Variants in SHISA6 observed in about 807,000 individuals in gnomAD.
The protein encoded by SHISA6 is protein shisa-6.
A neutral mutation model predicts 47.9 loss-of-function variants in SHISA6; 22 were observed. That is an observed-to-expected ratio of 0.46 (90% CI 0.33 to 0.66). The LOEUF is 0.66. Among genes scored for constraint, SHISA6 ranks in the 30% least tolerant of loss-of-function variants. The probability of loss-of-function intolerance (pLI) is 0.02; values close to 1 mark genes in which losing one functional copy is unlikely to be tolerated. For missense variants in SHISA6, 680 were observed against 764.6 expected (o/e 0.89, Z 1.30); for synonymous variants, 388 against 337.8 (o/e 1.15, Z -1.63).
intron 3 of SHISA6, among the ~76,000 whole-genome samples, chr17:11,457,453 C>T (rs141950495): frequency 1.1e-3 from 174 of 152,140 alleles, no homozygotes; most frequent in African/African-American, 3.7e-3. Flanking sequence ...TGAGATAGGC[C>T]GGGCACGGTG....
chr17:11,442,059 A>G (rs550505621), intron 3 of SHISA6, among the ~76,000 whole-genome samples: 11 of 152,220 alleles, frequency 7.2e-5, no homozygotes, highest in Non-Finnish European at 1.6e-4. Context: ...GTCTTCCATT[A>G]TCCTTTTTCT....
intron 3 of SHISA6, among the ~76,000 whole-genome samples, chr17:11,504,214 G>A (rs1358127639): frequency 6.6e-6 from 1 of 152,176 alleles, no homozygotes; most frequent in Non-Finnish European, 1.5e-5. Flanking sequence ...CTTTGCAGGT[G>A]AATCACTGCA....
At chr17:11,462,197 G>A (rs1915709134) in intron 3 of SHISA6, among the ~76,000 whole-genome samples, 1 of 152,148 alleles carries the variant, frequency 6.6e-6, no homozygotes, top group African/African-American at 2.4e-5. Flanking sequence ...GTCCTCTCTG[G>A]GAGAGAGGGC....
intron 2 of SHISA6, among the ~76,000 whole-genome samples, chr17:11,361,960 CCT>C (rs1352914754): frequency 6.6e-6 from 1 of 152,144 alleles, no homozygotes; most frequent in Non-Finnish European, 1.5e-5. Flanking sequence ...GGACCTTTTT[CCT>C]CTCTGTTTCA....
intron 5 of SHISA6, among the ~76,000 whole-genome samples, chr17:11,556,839 G>A (rs2071985657): frequency 6.6e-6 from 1 of 152,172 alleles, no homozygotes; most frequent in African/African-American, 2.4e-5. Context: ...GCCATGTGTA[G>A]GAGGCCTCAT....
rs1012312735 is a variant in SHISA6, at chr17:11,263,815, A to G, written c.799+289A>G. 3.3e-5 allele frequency among the ~76,000 whole-genome samples: 5 copies of G among 152,218 alleles called. No homozygotes were observed. The South Asian group carries it at 1.0e-3, about 32-fold the overall frequency. ...ACCGGAAAAGGAGCTTGCAGCATCC[A>G]TAGCAGGGTATGGCCATCCATTCGC... On this transcript the variant is annotated intron_variant, in intron 2 of 5. Transcript: ENST00000441885.
chr17:11,395,094 T>C (rs1913524400), intron 3 of SHISA6, among the ~76,000 whole-genome samples: 1 of 148,452 alleles, frequency 6.7e-6, no homozygotes, highest in African/African-American at 2.5e-5. Flanking sequence ...CTCTGCCTCC[T>C]GGATTCACAC....
chr17:11,314,332 G>T (rs1399247919), intron 2 of SHISA6, among the ~76,000 whole-genome samples: 1 of 151,740 alleles, frequency 6.6e-6, no homozygotes, highest in Admixed American at 6.6e-5. Context: ...CTTCCCCTCT[G>T]CAAATTTATA....
At chr17:11,274,699 AG>A (rs1456603161) in intron 2 of SHISA6, among the ~76,000 whole-genome samples, 1 of 152,214 alleles carries the variant, frequency 6.6e-6, no homozygotes, top group Non-Finnish European at 1.5e-5. Context: ...ACACTTCGTT[AG>A]GGCCTACAGG....
At chr17:11,527,390 T>G (rs1312320137) in intron 3 of SHISA6, among the ~76,000 whole-genome samples, 1 of 152,306 alleles carries the variant, frequency 6.6e-6, no homozygotes, top group African/African-American at 2.4e-5. Flanking sequence ...GATTGAAATA[T>G]AGAAATTGGA....
At chr17:11,471,704 C>T (rs1009007706) in intron 3 of SHISA6, among the ~76,000 whole-genome samples, 1 of 152,090 alleles carries the variant, frequency 6.6e-6, no homozygotes, top group African/African-American at 2.4e-5. Flanking sequence ...GACTAGGGAC[C>T]GTGGAGTCTA....
intron 3 of SHISA6, among the ~76,000 whole-genome samples, chr17:11,445,935 C>T (rs1915218885): frequency 1.3e-5 from 2 of 152,216 alleles, no homozygotes; most frequent in Admixed American, 1.3e-4. Flanking sequence ...TCAAGCGATT[C>T]TCCTGCCTCG....
At position 11,277,241 on chromosome 17, in the gene SHISA6, TTCTCTCTCTC is replaced by T. The variant is rs139388009; in HGVS notation, c.799+13746_799+13755del. Among the ~76,000 whole-genome samples, 591 of 78,112 alleles carry T rather than the reference TTCTCTCTCTC, an allele frequency of 7.6e-3. 6 individuals carry two copies. The highest frequency in any genetic ancestry group is 0.039 in the East Asian group (105 of 2,692). The allele number at this position is 78,112 out of a possible 152,430, so 51.2% of individuals were successfully genotyped here. On this transcript the variant is annotated intron_variant, in intron 2 of 5. Transcript: ENST00000441885. Reference sequence around the variant, plus strand: ...CTCCCTCCCCATCCCCGGTTTCTCTTTCTCTCTCTCTCTCTCTCTCTCTCTCTCTCTCTCT... The same window carrying T: ...CTCCCTCCCCATCCCCGGTTTCTCTTTCTCTCTCTCTCTCTCTCTCTCTCT...
intron 1 of SHISA6, among the ~76,000 whole-genome samples, chr17:11,248,922 G>C (rs964465230): frequency 2.0e-5 from 3 of 152,016 alleles, no homozygotes; most frequent in African/African-American, 4.8e-5. Flanking sequence ...GGCAGATCAC[G>C]AGGTCAGGAG....
At chr17:11,294,511 C>T (rs1219724255) in intron 2 of SHISA6, among the ~76,000 whole-genome samples, 3 of 152,198 alleles carry the variant, frequency 2.0e-5, no homozygotes, top group Admixed American at 6.5e-5. Flanking sequence ...TGCGAGGCTG[C>T]TCCTTTTTGC....
At chr17:11,541,749 A>ATT (rs2071835809) in intron 3 of SHISA6, among the ~76,000 whole-genome samples, 2 of 152,156 alleles carry the variant, frequency 1.3e-5, no homozygotes, top group African/African-American at 2.4e-5. Context: ...CCTTTAAGCT[A>ATT]CCCAGGGAGT....
At chr17:11,515,253 AAAAAAG>A (rs1228466257) in intron 3 of SHISA6, among the ~76,000 whole-genome samples, 10 of 149,530 alleles carry the variant, frequency 6.7e-5, no homozygotes, top group Admixed American at 4.0e-4. Flanking sequence ...AAAAAAAAAA[AAAAAAG>A]AAAAAAGAAA....
chr17:11,328,129 A>G (rs1031652376), intron 2 of SHISA6, among the ~76,000 whole-genome samples: 1 of 152,172 alleles, frequency 6.6e-6, no homozygotes, highest in African/African-American at 2.4e-5. Flanking sequence ...TCAAATGGAG[A>G]TACAAAAACT....
intron 3 of SHISA6, among the ~76,000 whole-genome samples, chr17:11,550,939 A>G (rs2071927154): frequency 6.6e-6 from 1 of 152,234 alleles, no homozygotes; most frequent in Non-Finnish European, 1.5e-5. Flanking sequence ...CCAGAGTATA[A>G]GGCCAAAGGC....
Sources: allele counts gnomAD v4.1 joint callset (sites outside exome capture counted in the v4.1 genomes callset), GRCh38; gene constraint gnomAD v4.1.1; transcripts MANE v1.5; gene names NCBI Gene and HGNC (gene_info 2026-07-23, HGNC 2026-07-21).